ADGRL3: variants seen among roughly 807,000 people sequenced by gnomAD.
ADGRL3 encodes adhesion G protein-coupled receptor L3, also known as calcium-independent alpha-latrotoxin receptor 3.
Under a neutral mutation model 153.5 loss-of-function variants are expected in ADGRL3, and 62 were observed. The observed-to-expected ratio is 0.40, with a 90% confidence interval of 0.33 to 0.50. ADGRL3 has a LOEUF of 0.50. Among genes scored for constraint, ADGRL3 ranks in the 20% least tolerant of loss-of-function variants. The pLI is 0.47. For missense variants in ADGRL3, 1,641 were observed against 1,859.4 expected (o/e 0.88, Z 2.16); for synonymous variants, 710 against 672.5 (o/e 1.06, Z -0.86).
At chr4:61,229,495 A>G (rs1749583242) in intron 1 of ADGRL3, among the ~76,000 whole-genome samples, 1 of 149,872 alleles carries the variant, frequency 6.7e-6, no homozygotes, top group African/African-American at 2.5e-5. Context: ...AGTATACATC[A>G]TACCCTTCAG....
At chr4:62,066,187 C>T (rs1268754473) in intron 25 of ADGRL3, among the ~76,000 whole-genome samples, 1 of 151,988 alleles carries the variant, frequency 6.6e-6, no homozygotes, top group Non-Finnish European at 1.5e-5. Flanking sequence ...TGCTACTAAT[C>T]TTATGCTTTC....
intron 6 of ADGRL3, among the ~76,000 whole-genome samples, chr4:61,710,753 A>G (rs1323996209): frequency 6.6e-6 from 1 of 152,176 alleles, no homozygotes; most frequent in African/African-American, 2.4e-5. Context: ...ATATTCACCT[A>G]GTGTGTTGCA....
chr4:61,815,472 A>T (rs1257772152), intron 9 of ADGRL3, among the ~76,000 whole-genome samples: 1 of 152,182 alleles, frequency 6.6e-6, no homozygotes, highest in Non-Finnish European at 1.5e-5. Context: ...ATAAAAGATG[A>T]TGGGGAAATT....
At chr4:61,377,092 A>G (rs1399857831) in intron 1 of ADGRL3, among the ~76,000 whole-genome samples, 1 of 152,098 alleles carries the variant, frequency 6.6e-6, no homozygotes, top group Non-Finnish European at 1.5e-5. Context: ...AAGACACCTC[A>G]GCACGGGTTC....
chr4:62,009,525 G>C (rs1249845019), intron 21 of ADGRL3, among the ~76,000 whole-genome samples: 1 of 151,992 alleles, frequency 6.6e-6, no homozygotes, highest in Non-Finnish European at 1.5e-5. Context: ...GTTATATATA[G>C]AGAAAAAAGA....
intron 12 of ADGRL3, among the ~76,000 whole-genome samples, chr4:61,909,998 C>T (rs1372657682): frequency 6.6e-6 from 1 of 151,972 alleles, no homozygotes; most frequent in Non-Finnish European, 1.5e-5. Flanking sequence ...ATTCTGTTTT[C>T]CATGGCAGTT....
At chr4:61,960,436 G>C (rs533824930) in intron 17 of ADGRL3, among the ~76,000 whole-genome samples, 1 of 152,218 alleles carries the variant, frequency 6.6e-6, no homozygotes, top group African/African-American at 2.4e-5. Flanking sequence ...TATGTTAGCA[G>C]AACAGGCCGG....
chr4:61,286,227 C>G (rs1305084845), intron 1 of ADGRL3, among the ~76,000 whole-genome samples: 1 of 150,516 alleles, frequency 6.6e-6, no homozygotes, highest in Admixed American at 6.6e-5. Flanking sequence ...TTTTTGGCTC[C>G]ATTATTTGAA....
chr4:61,717,819 A>G (rs915478630), intron 6 of ADGRL3, among the ~76,000 whole-genome samples: 8 of 152,054 alleles, frequency 5.3e-5, no homozygotes, highest in Non-Finnish European at 1.0e-4. Context: ...AGATCACCTG[A>G]GATCAGGAGT....
At chr4:61,517,539 A>C in intron 4 of ADGRL3, 21 bp downstream of exon 4, 1 of 699,408 alleles carries the variant, frequency 1.4e-6, no homozygotes. Flanking sequence ...CGGTGGGGAG[A>C]GAGGGCTGGG....
At chr4:61,742,059 T>A (rs144107896) in intron 8 of ADGRL3, among the ~76,000 whole-genome samples, 1 of 152,258 alleles carries the variant, frequency 6.6e-6, no homozygotes, top group East Asian at 1.9e-4. Flanking sequence ...AATAGTGTTG[T>A]TGCTCTTCAT....
chr4:61,297,578 T>G (rs1018675167), intron 1 of ADGRL3, among the ~76,000 whole-genome samples: 10 of 152,092 alleles, frequency 6.6e-5, no homozygotes, highest in African/African-American at 2.2e-4. Context: ...TTTTTCCTTG[T>G]TTTTTACTTG....
At chr4:61,993,387 A>T (rs2151003586) in intron 19 of ADGRL3, among the ~76,000 whole-genome samples, 1 of 143,528 alleles carries the variant, frequency 7.0e-6, no homozygotes, top group South Asian at 2.2e-4. Flanking sequence ...CTGCCCCCAG[A>T]TTCCAGAGGT....
chr4:61,560,656 A>AT (rs367548945), intron 4 of ADGRL3, among the ~76,000 whole-genome samples: 13 of 91,660 alleles, frequency 1.4e-4, no homozygotes, highest in African/African-American at 4.8e-4. Context: ...TTATTTATTT[A>AT]TTTTTTTTGC....
chr4:62,035,944 A>G (rs1724752479), intron 23 of ADGRL3, among the ~76,000 whole-genome samples: 1 of 152,124 alleles, frequency 6.6e-6, no homozygotes. Flanking sequence ...CTGACACATA[A>G]TAGTTAAAAA....
chr4:61,699,779 A>G (rs2151283959), intron 6 of ADGRL3, among the ~76,000 whole-genome samples: 1 of 152,334 alleles, frequency 6.6e-6, no homozygotes, highest in East Asian at 1.9e-4. Flanking sequence ...GTATAGGAAT[A>G]GATAATGTTA....
chr4:61,917,933 T>C (rs1212859166), intron 13 of ADGRL3, among the ~76,000 whole-genome samples: 1 of 152,084 alleles, frequency 6.6e-6, no homozygotes, highest in Non-Finnish European at 1.5e-5. Flanking sequence ...GATAGATCAT[T>C]GTAAGGACTT....
chr4:61,711,184 G>A (rs1359750177), intron 6 of ADGRL3, among the ~76,000 whole-genome samples: 2 of 151,912 alleles, frequency 1.3e-5, no homozygotes, highest in East Asian at 3.9e-4. Context: ...ATCAGGGATT[G>A]CTGTTCTCAT....
intron 5 of ADGRL3, among the ~76,000 whole-genome samples, chr4:61,622,732 G>A (rs1397387992): frequency 2.0e-5 from 3 of 151,968 alleles, no homozygotes; most frequent in Non-Finnish European, 2.9e-5. Flanking sequence ...TTTTTAAAAC[G>A]AGGAAAATTG....
Sources: allele counts gnomAD v4.1 joint callset (sites outside exome capture counted in the v4.1 genomes callset), GRCh38; gene constraint gnomAD v4.1.1; transcripts MANE v1.5; gene names NCBI Gene and HGNC (gene_info 2026-07-23, HGNC 2026-07-21).